CDC73: variants seen among roughly 807,000 people sequenced by gnomAD.
CDC73 encodes cell division cycle 73.
CDC73 carries 21 observed loss-of-function variants against 83.7 expected under a neutral mutation model. That is an observed-to-expected ratio of 0.25 (90% confidence interval 0.18 to 0.36). CDC73 has a LOEUF of 0.36. CDC73 is among the 10% of genes least tolerant of loss of function. CDC73 has a pLI of 1.00. For missense variants in CDC73, 342 were observed against 653.3 expected (o/e 0.52, Z 5.19); for synonymous variants, 224 against 212.9 (o/e 1.05, Z -0.45).
rs1321864139 is a variant in CDC73 at position 193,185,439 on chromosome 1, G to A, written c.973-18356G>A. Among the ~76,000 whole-genome samples, 3 of 151,592 alleles carry A rather than the reference G, an allele frequency of 2.0e-5. No homozygotes were observed. The East Asian group carries it at 5.8e-4, about 29-fold the overall frequency. On this transcript the variant is annotated intron_variant, in intron 10 of 16. Coordinates refer to ENST00000367435, the MANE Select transcript of CDC73 (RefSeq NM_024529.5). ...CCTTTTAGTATCTTCTTGTAGCTTG[G>A]TAATATTTAAAATTTGTTGATACTC...
At position 193,204,287 on chromosome 1, in the gene CDC73, A is replaced by ATTT. The variant is rs1181776959; in HGVS notation, c.1030+445_1030+447dup. 1.4e-3 allele frequency among the ~76,000 whole-genome samples: 190 copies of ATTT among 133,942 alleles called. 4 individuals are homozygous for ATTT. Among genetic ancestry groups the ATTT allele is most frequent in the Non-Finnish European group, 1.8e-3 (117 of 64,556 alleles). The allele number at this position is 133,942 out of a possible 152,430, so 87.9% of individuals were successfully genotyped here. A position where few individuals can be genotyped will look rare whatever the true frequency, so the allele number is the denominator to read the frequency against. On this transcript the variant is annotated intron_variant, in intron 11 of 16. Transcript: ENST00000367435. ...TGTGTGTGTGTGTGTGTATATATATATTTTTTTTTTTTCTTTTTTTGAGAC... is the reference window on the plus strand; with the variant it reads ...TGTGTGTGTGTGTGTGTATATATATATTTTTTTTTTTTTTTCTTTTTTTGAGAC...
chr1:193,236,708 A>G, intron 15 of CDC73: 1 of 294,036 alleles, frequency 3.4e-6, no homozygotes, highest in Non-Finnish European at 6.6e-6. Flanking sequence ...CAGCCTAACC[A>G]ACATGATGAA....
rs780448767 is a variant in CDC73, at chr1:193,204,285, A to T, written c.1030+433A>T. Among the ~76,000 whole-genome samples, 919 of 133,596 alleles carry T rather than the reference A, an allele frequency of 6.9e-3. 9 individuals carry two copies. The highest frequency in any genetic ancestry group is 0.012 in the Middle Eastern group (3 of 256). 87.6% of individuals were successfully genotyped at this position (133,596 alleles called of 152,430 possible). ...TGTGTGTGTGTGTGTGTGTATATAT[A>T]TATTTTTTTTTTTTCTTTTTTTGAG... On this transcript the variant is annotated intron_variant, in intron 11 of 16. Coordinates refer to ENST00000367435, the MANE Select transcript of CDC73 (RefSeq NM_024529.5).
At chr1:193,142,506 G>A (rs936930662) in intron 7 of CDC73, among the ~76,000 whole-genome samples, 2 of 152,100 alleles carry the variant, frequency 1.3e-5, no homozygotes, top group African/African-American at 4.8e-5. Context: ...ATATTCTGTT[G>A]TGTGGGTATA....
intron 10 of CDC73, among the ~76,000 whole-genome samples, chr1:193,183,287 G>C (rs1278326361): frequency 6.6e-6 from 1 of 151,134 alleles, no homozygotes; most frequent in East Asian, 1.9e-4. Flanking sequence ...AGGCACCAGC[G>C]TTTGAAATTT....
At chr1:193,186,752 T>C (rs1676817361) in intron 10 of CDC73, 1 of 152,132 alleles carries the variant, frequency 6.6e-6, no homozygotes, top group Non-Finnish European at 1.5e-5. Flanking sequence ...ATGTGATAAA[T>C]TATATATGTT....
At chr1:193,222,144 A>G (rs2102047613) in intron 13 of CDC73, among the ~76,000 whole-genome samples, 1 of 152,336 alleles carries the variant, frequency 6.6e-6, no homozygotes, top group East Asian at 1.9e-4. Flanking sequence ...CATGATCATG[A>G]AAGTTGTTTA....
intron 10 of CDC73, among the ~76,000 whole-genome samples, chr1:193,185,165 T>C (rs1676784278): frequency 6.6e-6 from 1 of 152,102 alleles, no homozygotes; most frequent in African/African-American, 2.4e-5. Context: ...TATTTTTGTA[T>C]CAAAGTATTT....
chr1:193,156,875 C>T (rs1676216349), intron 10 of CDC73, among the ~76,000 whole-genome samples: 1 of 152,026 alleles, frequency 6.6e-6, no homozygotes, highest in Non-Finnish European at 1.5e-5. Context: ...TGGCAGTGTG[C>T]TGAGTGCTGG....
chr1:193,205,797 A>T lies in CDC73; in HGVS notation c.1030+1945A>T, dbSNP rs371629424. Among the ~76,000 whole-genome samples the T allele has an allele frequency of 1.5e-3, 223 of 152,278 alleles. 2 individuals carry two copies. The Middle Eastern group carries it at 0.061, about 42-fold the overall frequency. ...CTAAGAGAAGCTAAAGGAGCTTTTTACAGGAAGGAAGAAAAAAGTGAAGGA... is the reference window on the plus strand; with the variant it reads ...CTAAGAGAAGCTAAAGGAGCTTTTTTCAGGAAGGAAGAAAAAAGTGAAGGA... On this transcript the variant is annotated intron_variant, in intron 11 of 16. Coordinates refer to ENST00000367435, the MANE Select transcript of CDC73 (RefSeq NM_024529.5).
chr1:193,140,523 G>A (rs1289377456), intron 6 of CDC73, among the ~76,000 whole-genome samples: 1 of 152,182 alleles, frequency 6.6e-6, no homozygotes, highest in African/African-American at 2.4e-5. Context: ...AGTGGCATAT[G>A]CGAATTGCTG....
At chr1:193,248,963 T>G (rs980224438) in intron 15 of CDC73, among the ~76,000 whole-genome samples, 3 of 152,048 alleles carry the variant, frequency 2.0e-5, no homozygotes, top group African/African-American at 7.2e-5. Flanking sequence ...GACATAAATA[T>G]AGTAAAGCGG....
chr1:193,223,011 T>C (rs895768606), intron 13 of CDC73, among the ~76,000 whole-genome samples: 2 of 152,150 alleles, frequency 1.3e-5, no homozygotes, highest in East Asian at 1.9e-4. Context: ...AAACTTCAGA[T>C]ATTTTATATT....
chr1:193,216,784 G>A (rs1442545610), intron 13 of CDC73, among the ~76,000 whole-genome samples: 1 of 152,080 alleles, frequency 6.6e-6, no homozygotes, highest in African/African-American at 2.4e-5. Flanking sequence ...TGCAGGGTTC[G>A]TTCAACAAAT....
intron 10 of CDC73, among the ~76,000 whole-genome samples, chr1:193,185,180 A>G (rs1676784550): frequency 1.3e-5 from 2 of 152,084 alleles, no homozygotes; most frequent in African/African-American, 4.8e-5. Context: ...GTATTTCCAT[A>G]TTATGTTTTT....
At chr1:193,192,848 A>G (rs1274377190) in intron 10 of CDC73, among the ~76,000 whole-genome samples, 2 of 152,240 alleles carry the variant, frequency 1.3e-5, no homozygotes, top group Admixed American at 1.3e-4. Flanking sequence ...TGGAGAGAGC[A>G]GTCCTATGAA....
intron 10 of CDC73, among the ~76,000 whole-genome samples, chr1:193,190,993 C>G (rs752718221): frequency 1.3e-5 from 2 of 152,198 alleles, no homozygotes; most frequent in Non-Finnish European, 2.9e-5. Flanking sequence ...ACAGCAAAGA[C>G]TAGCTCTGTG....
chr1:193,179,839 A>C (rs1036135276), intron 10 of CDC73: 1 of 152,624 alleles, frequency 6.6e-6, no homozygotes, highest in African/African-American at 2.4e-5. Flanking sequence ...AGGTCAAAAA[A>C]TTTATCCTTT....
At chr1:193,195,198 A>G (rs535475655) in intron 10 of CDC73, among the ~76,000 whole-genome samples, 1 of 152,178 alleles carries the variant, frequency 6.6e-6, no homozygotes, top group South Asian at 2.1e-4. Flanking sequence ...AATCTGCTTT[A>G]CTCAATCTTC....
Sources: gnomAD v4.1 joint callset for allele counts (sites outside exome capture counted in the v4.1 genomes callset) on GRCh38, gnomAD v4.1.1 for gene constraint, MANE v1.5 for transcripts, NCBI Gene and HGNC (gene_info 2026-07-23, HGNC 2026-07-21) for gene names.